The following PACRG variants were observed in gnomAD, a reference collection of about 807,000 sequenced individuals.
PACRG encodes parkin coregulated gene protein.
A neutral mutation model predicts 29.7 loss-of-function variants in PACRG; 29 were observed. That is an observed-to-expected ratio of 0.98 (90% CI 0.73 to 1.33). PACRG has a LOEUF of 1.33. Ranked by LOEUF, PACRG falls within the 40% of genes most tolerant of loss-of-function variation. The pLI, the probability that PACRG is intolerant of heterozygous loss-of-function variation, is 0.00. For missense variants in PACRG, 279 were observed against 316.2 expected, an observed-to-expected ratio of 0.88 and a Z score of 0.89; for synonymous variants, 116 against 118.7, an observed-to-expected ratio of 0.98 and a Z score of 0.15.
At chr6:163,126,339 T>A (rs1816512931) in intron 4 of PACRG, among the ~76,000 whole-genome samples, 1 of 152,186 alleles carries the variant, frequency 6.6e-6, no homozygotes, top group Non-Finnish European at 1.5e-5. Flanking sequence ...GACCAAACAC[T>A]AGAACCACCC....
At chr6:162,753,824 T>A (rs1781697908) in intron 1 of PACRG, among the ~76,000 whole-genome samples, 3 of 152,080 alleles carry the variant, frequency 2.0e-5, no homozygotes, top group Non-Finnish European at 2.9e-5. Flanking sequence ...CCTGAGGCCT[T>A]CCCAGCCATG....
At chr6:162,895,001 A>G (rs1174188067) in intron 2 of PACRG, among the ~76,000 whole-genome samples, 1 of 152,222 alleles carries the variant, frequency 6.6e-6, no homozygotes, top group Admixed American at 6.5e-5. Flanking sequence ...TTAAAAATAA[A>G]TAAGCTACCC....
chr6:162,944,779 A>G (rs956673122), intron 2 of PACRG, among the ~76,000 whole-genome samples: 6 of 151,922 alleles, frequency 3.9e-5, no homozygotes, highest in South Asian at 4.1e-4. Context: ...AGTCAGACAA[A>G]AAAAAGGAAA....
intron 2 of PACRG, among the ~76,000 whole-genome samples, chr6:162,857,825 T>C (rs576184498): frequency 9.5e-4 from 145 of 152,170 alleles, no homozygotes; most frequent in Non-Finnish European, 1.0e-3. Flanking sequence ...ATATAAAATA[T>C]GTTCTCGTTG....
At position 163,123,293 on chromosome 6, in the gene PACRG, C is replaced by A. The variant is rs538914482; in HGVS notation, c.613+33885C>A. Among the ~76,000 whole-genome samples, 8 of 152,106 alleles carry A rather than the reference C, an allele frequency of 5.3e-5. No individual in the cohort carries two copies. The East Asian group carries it at 1.6e-3, about 30-fold the overall frequency. ...CTGCACACGTGGTGTTATTTGGAGG[C>A]AGCCATGACAGCTGTGGTGACAAGG... is the stretch of plus-strand genomic sequence containing the variant. On this transcript the variant is annotated intron_variant, in intron 4 of 4. Transcript: ENST00000366888.
chr6:162,959,102 G>A (rs1800395300), intron 2 of PACRG, among the ~76,000 whole-genome samples: 1 of 149,418 alleles, frequency 6.7e-6, no homozygotes. Flanking sequence ...TTTTGTAGTG[G>A]AGATGGGGTT....
At position 162,749,145 on chromosome 6, in the gene PACRG, A is replaced by G. The variant is rs572276958; in HGVS notation, c.156+20754A>G. Reference sequence around the variant, plus strand: ...TGGAAAGGATTCCATTTATATGGATATAGCATACTTTGTTTAACCACCTGC... The same window carrying G: ...TGGAAAGGATTCCATTTATATGGATGTAGCATACTTTGTTTAACCACCTGC... On this transcript the variant is annotated intron_variant, in intron 1 of 4. Coordinates refer to ENST00000366888, the MANE Select transcript of PACRG (RefSeq NM_001080379.2). Among the ~76,000 whole-genome samples, 436 of 152,328 alleles carry G rather than the reference A, an allele frequency of 2.9e-3. 1 individual carries two copies. Among genetic ancestry groups the G allele is most frequent in the African/African-American group, 9.9e-3 (412 of 41,572 alleles).
intron 1 of PACRG, among the ~76,000 whole-genome samples, chr6:162,756,119 C>T (rs571078824): frequency 8.9e-4 from 136 of 152,166 alleles, no homozygotes; most frequent in African/African-American, 3.2e-3. Flanking sequence ...GTATATTCTG[C>T]TCTTGTTGGA....
intron 1 of PACRG, among the ~76,000 whole-genome samples, chr6:162,792,204 G>A (rs1023252301): frequency 6.6e-6 from 1 of 152,106 alleles, no homozygotes; most frequent in African/African-American, 2.4e-5. Flanking sequence ...CATCTGCAAA[G>A]CACAGCAAAC....
At chr6:163,243,451 A>T (rs915612502) in intron 4 of PACRG, among the ~76,000 whole-genome samples, 2 of 152,166 alleles carry the variant, frequency 1.3e-5, no homozygotes, top group Admixed American at 1.3e-4. Flanking sequence ...TGGGGTTTTC[A>T]TTAAGGACAT....
At chr6:163,095,453 C>T in intron 4 of PACRG, 10 of 978,516 alleles carry the variant, frequency 1.0e-5, no homozygotes, top group Non-Finnish European at 1.2e-5. Flanking sequence ...CTTCCTGGAG[C>T]CACGTAACAA....
intron 2 of PACRG, among the ~76,000 whole-genome samples, chr6:162,862,076 C>A (rs890409989): frequency 6.6e-6 from 1 of 152,164 alleles, no homozygotes; most frequent in Admixed American, 6.5e-5. Context: ...CTTGACCACA[C>A]GTTGGTCAGA....
intron 2 of PACRG, among the ~76,000 whole-genome samples, chr6:162,826,459 CTTTTTTCTTTTTTT>C (rs1014654766): frequency 6.1e-5 from 9 of 146,404 alleles, no homozygotes; most frequent in African/African-American, 1.5e-4. Context: ...TTTCTTTTTT[CTTTTTTCTTTTTTT>C]TTTTTTTGAG....
chr6:163,060,181 A>G (rs1405778653), intron 2 of PACRG, among the ~76,000 whole-genome samples: 2 of 152,202 alleles, frequency 1.3e-5, no homozygotes, highest in Non-Finnish European at 2.9e-5. Context: ...ATGTATTAAA[A>G]TACAACATCT....
intron 2 of PACRG, among the ~76,000 whole-genome samples, chr6:162,909,910 A>G (rs1208584065): frequency 6.6e-6 from 1 of 152,208 alleles, no homozygotes; most frequent in Non-Finnish European, 1.5e-5. Flanking sequence ...TCGGTTTTAC[A>G]CTAGAATAAT....
At chr6:162,873,392 C>T (rs952815097) in intron 2 of PACRG, among the ~76,000 whole-genome samples, 5 of 152,116 alleles carry the variant, frequency 3.3e-5, no homozygotes, top group African/African-American at 4.8e-5. Flanking sequence ...CTTTCTAAAC[C>T]TTTACTTTCA....
intron 2 of PACRG, among the ~76,000 whole-genome samples, chr6:162,950,236 G>A (rs532498190): frequency 2.6e-5 from 4 of 152,178 alleles, no homozygotes; most frequent in African/African-American, 4.8e-5. Flanking sequence ...GGTGGCTCAC[G>A]CCTATAATCC....
intron 4 of PACRG, among the ~76,000 whole-genome samples, chr6:163,217,292 T>G (rs1781399808): frequency 6.6e-6 from 1 of 152,158 alleles, no homozygotes; most frequent in Non-Finnish European, 1.5e-5. Context: ...CTCAGGAAAC[T>G]CACCCCCAAC....
At chr6:163,308,743 GATA>G (rs1022690767) in intron 4 of PACRG, among the ~76,000 whole-genome samples, 4 of 151,876 alleles carry the variant, frequency 2.6e-5, no homozygotes, top group Non-Finnish European at 5.9e-5. Context: ...CAAGAAACAT[GATA>G]ATAATAAATG....
Sources: gnomAD v4.1 joint callset for allele counts (sites outside exome capture counted in the v4.1 genomes callset) on GRCh38, gnomAD v4.1.1 for gene constraint, MANE v1.5 for transcripts, NCBI Gene and HGNC (gene_info 2026-07-23, HGNC 2026-07-21) for gene names.